YTHDF3: variants seen among roughly 807,000 people sequenced by gnomAD.
YTHDF3 encodes YTH domain-containing family protein 3.
A neutral mutation model predicts 52.5 loss-of-function variants in YTHDF3; 9 were observed. The ratio of observed to expected loss-of-function variants is 0.17; its 90% CI spans 0.10 to 0.30. The LOEUF (loss-of-function observed/expected upper bound fraction) is 0.30. Ranked by LOEUF, YTHDF3 falls within the 10% of genes least tolerant of loss-of-function variation. The pLI, the probability that YTHDF3 is intolerant of heterozygous loss-of-function variation, is 1.00. For missense variants in YTHDF3, 534 were observed against 715.0 expected (o/e 0.75, Z 2.89); for synonymous variants, 274 against 243.3 (o/e 1.13, Z -1.18).
intron 4 of YTHDF3, among the ~76,000 whole-genome samples, chr8:63,205,365 G>A (rs1485917032): frequency 1.3e-5 from 2 of 151,768 alleles, no homozygotes; most frequent in Non-Finnish European, 2.9e-5. Flanking sequence ...TAACTATACA[G>A]TACCTCATTT....
At chr8:63,193,356 A>G (rs1474626836) in intron 4 of YTHDF3, among the ~76,000 whole-genome samples, 1 of 146,074 alleles carries the variant, frequency 6.8e-6, no homozygotes, top group Non-Finnish European at 1.5e-5. Context: ...AGCCTGGGTG[A>G]CAGAGCTAGA....
intron 4 of YTHDF3, chr8:63,188,701 A>ATATATATATATATATATTTTT (rs1355614739): frequency 3.3e-5 from 2 of 61,446 alleles, no homozygotes; most frequent in Non-Finnish European, 5.1e-5. Context: ...ATATATATAT[A>ATATATATATATATATATTTTT]TTTTTTTTTT....
At chr8:63,186,019 G>T (rs1477366647) in intron 3 of YTHDF3, 128 bp from the exon 4 acceptor site, 7 of 1,015,548 alleles carry the variant, frequency 6.9e-6, no homozygotes, top group Non-Finnish European at 9.7e-6. Context: ...TTTTAATTTT[G>T]TTTATCTAGA....
At chr8:63,197,967 CAT>C (rs1427556228) in intron 4 of YTHDF3, among the ~76,000 whole-genome samples, 6 of 152,162 alleles carry the variant, frequency 3.9e-5, no homozygotes, top group South Asian at 2.1e-4. Context: ...AGTCAGGAAA[CAT>C]AATCCAAGAC....
At chr8:63,208,442 G>C (rs997362188) in intron 4 of YTHDF3, among the ~76,000 whole-genome samples, 3 of 152,194 alleles carry the variant, frequency 2.0e-5, no homozygotes, top group Non-Finnish European at 4.4e-5. Context: ...AGCAAAGTGA[G>C]AGTCTTTTAA....
intron 4 of YTHDF3, among the ~76,000 whole-genome samples, chr8:63,189,322 C>G (rs997115018): frequency 7.9e-5 from 12 of 152,136 alleles, no homozygotes; most frequent in African/African-American, 2.7e-4. Context: ...TTTTCTCTTC[C>G]AAACTGTAAC....
intron 3 of YTHDF3, among the ~76,000 whole-genome samples, chr8:63,180,301 G>A (rs1435911918): frequency 1.8e-4 from 27 of 149,160 alleles, no homozygotes; most frequent in African/African-American, 3.1e-4. Context: ...CGGACGGGGC[G>A]GCAGGGCAGA....
At chr8:63,204,883 C>T (rs971558759) in intron 4 of YTHDF3, among the ~76,000 whole-genome samples, 5 of 152,158 alleles carry the variant, frequency 3.3e-5, no homozygotes, top group South Asian at 2.1e-4. Context: ...ATAAATCTAC[C>T]GAAGATTACA....
intron 4 of YTHDF3, among the ~76,000 whole-genome samples, chr8:63,191,241 C>G (rs1808894043): frequency 6.6e-6 from 1 of 152,044 alleles, no homozygotes; most frequent in African/African-American, 2.4e-5. Flanking sequence ...TTCTGTAATC[C>G]TTTGTCTGCA....
At chr8:63,207,004 C>T (rs1275473017) in intron 4 of YTHDF3, among the ~76,000 whole-genome samples, 2 of 152,104 alleles carry the variant, frequency 1.3e-5, no homozygotes, top group Non-Finnish European at 2.9e-5. Context: ...TTATTTGTCT[C>T]AGTTTTCTGT....
intron 4 of YTHDF3, among the ~76,000 whole-genome samples, chr8:63,202,918 A>G (rs562120261): frequency 3.3e-5 from 5 of 152,040 alleles, no homozygotes; most frequent in Non-Finnish European, 5.9e-5. Context: ...TGAAACACGC[A>G]CACGGTGTTT....
chr8:63,204,438 C>T (rs1343812768), intron 4 of YTHDF3, among the ~76,000 whole-genome samples: 7 of 150,812 alleles, frequency 4.6e-5, no homozygotes, highest in Admixed American at 2.0e-4. Context: ...CTCGGGTCAC[C>T]GCACCCTCCA....
chr8:63,187,661 T>C lies in YTHDF3; in HGVS notation c.1650T>C (p.Ile550=). Residue 550 remains isoleucine (I), a synonymous_variant, in exon 4 of 5, where the codon ATT becomes ATC. Transcript: ENST00000539294. ...AAGCTAAGCAAGTGCTTAAAATAAT[T>C]GCTACTTTCAAGCATACCACCTCAA... ...LEKAKQVLKI[I]ATFKHTTSIF... The C allele has an allele frequency of 6.2e-7, 1 of 1,610,908 alleles. No homozygotes were observed. The highest frequency in any genetic ancestry group is 8.5e-7 in the Non-Finnish European group (1 of 1,178,214).
chr8:63,202,967 C>G (rs1041436498), intron 4 of YTHDF3, among the ~76,000 whole-genome samples: 1 of 152,026 alleles, frequency 6.6e-6, no homozygotes, highest in African/African-American at 2.4e-5. Flanking sequence ...GTCTGCTGGG[C>G]ACGGTGGCTC....
chr8:63,181,418 C>T (rs1808128701), intron 3 of YTHDF3, among the ~76,000 whole-genome samples: 1 of 152,134 alleles, frequency 6.6e-6, no homozygotes, highest in South Asian at 2.1e-4. Flanking sequence ...AAAGTGGTTC[C>T]ACTTCCTTTT....
intron 4 of YTHDF3, among the ~76,000 whole-genome samples, chr8:63,205,266 A>G (rs185965611): frequency 2.0e-5 from 3 of 152,242 alleles, no homozygotes; most frequent in African/African-American, 7.2e-5. Context: ...CTCCGGGTGT[A>G]TGGGATCATG....
chr8:63,192,362 T>C (rs1013968818), intron 4 of YTHDF3, among the ~76,000 whole-genome samples: 2 of 152,236 alleles, frequency 1.3e-5, no homozygotes, highest in African/African-American at 4.8e-5. Flanking sequence ...TAGTTGCATA[T>C]ACCTTTCTCT....
intron 3 of YTHDF3, among the ~76,000 whole-genome samples, chr8:63,185,431 T>G (rs903241570): frequency 2.6e-5 from 4 of 152,130 alleles, no homozygotes; most frequent in Non-Finnish European, 4.4e-5. Context: ...TGTTCTGTAA[T>G]AGGTTTATTG....
intron 3 of YTHDF3, among the ~76,000 whole-genome samples, chr8:63,177,159 A>G (rs1431157877): frequency 6.6e-6 from 1 of 152,202 alleles, no homozygotes; most frequent in African/African-American, 2.4e-5. Flanking sequence ...CAAGGAACCA[A>G]ATCTTACTAC....
Sources: allele counts gnomAD v4.1 joint callset (sites outside exome capture counted in the v4.1 genomes callset), GRCh38; gene constraint gnomAD v4.1.1; transcripts MANE v1.5; gene names NCBI Gene and HGNC (gene_info 2026-07-23, HGNC 2026-07-21).